The following VWDE variants were observed in gnomAD, a reference collection of about 807,000 sequenced individuals.
The protein encoded by VWDE is von Willebrand factor D and EGF domain-containing protein.
In VWDE, 207 loss-of-function variants were observed where a neutral mutation model predicts 178.4. The ratio of observed to expected loss-of-function variants is 1.16; its 90% CI spans 1.04 to 1.30. The LOEUF (loss-of-function observed/expected upper bound fraction) is 1.30. Among genes scored for constraint, VWDE ranks in the 50% most tolerant of loss-of-function variants. The pLI is 0.00. For synonymous variants in VWDE, 738 were observed against 651.4 expected (o/e 1.13, Z -2.02); for missense variants, 2,287 against 1,901.3 (o/e 1.20, Z -3.77).
At chr7:12,400,485 C>T (rs1784846924) in intron 1 of VWDE, among the ~76,000 whole-genome samples, 1 of 151,992 alleles carries the variant, frequency 6.6e-6, no homozygotes, top group African/African-American at 2.4e-5. Flanking sequence ...AAGACAGGAG[C>T]TGCAAAACCA....
chr7:12,354,925 C>G (rs996218802), intron 18 of VWDE, among the ~76,000 whole-genome samples: 1 of 151,698 alleles, frequency 6.6e-6, no homozygotes, highest in African/African-American at 2.4e-5. Flanking sequence ...AAAGTCAGTC[C>G]GTCCTTAATC....
At chr7:12,401,115 A>C (rs1784873759) in intron 1 of VWDE, among the ~76,000 whole-genome samples, 1 of 152,150 alleles carries the variant, frequency 6.6e-6, no homozygotes, top group South Asian at 2.1e-4. Flanking sequence ...TATGTGATGA[A>C]GAAAGACTAG....
At chr7:12,380,413 A>G in intron 5 of VWDE, 73 bp downstream of exon 5, 2 of 1,499,358 alleles carry the variant, frequency 1.3e-6, no homozygotes, top group Non-Finnish European at 1.8e-6. Context: ...TATTTTTTGG[A>G]TATGATGTTT....
chr7:12,353,630 A>T (rs541697868), intron 18 of VWDE, among the ~76,000 whole-genome samples: 38 of 50,514 alleles, frequency 7.5e-4, no homozygotes, highest in African/African-American at 2.2e-3. Context: ...TTTTTCCTAT[A>T]TATTTGAAGT....
In VWDE at chr7:12,373,070, C is replaced by G; in HGVS notation, c.1494G>C (p.Gln498His). 1 of 1,551,262 alleles carries G rather than the reference C, an allele frequency of 6.4e-7. No individual in the cohort carries two copies. Among genetic ancestry groups the G allele is most frequent in the African/African-American group, 1.4e-5 (1 of 73,100 alleles). ...DIVTFDMCNGQLRESQPYLFI... is the reference protein window; with the variant it reads ...DIVTFDMCNGHLRESQPYLFI... ...ACAAATATGGTTGTGATTCACGTAG[C>G]TGACCATTGCACATATCAAAAGTAA... Residue 498 changes from glutamine (Q) to histidine (H), a missense_variant, in exon 10 of 29, where the codon CAG (glutamine) becomes CAC (histidine). Physicochemically the swap from Gln to His is conservative, Grantham distance 24. Coordinates refer to ENST00000275358, the MANE Select transcript of VWDE (RefSeq NM_001135924.3).
chr7:12,383,549 T>A lies in VWDE; in HGVS notation c.528A>T (p.Gly176=). The part of the protein sequence containing the change: ...HPCGSDETET[G]GDCVRQLAAS... ...TATGATACTTACGAACACAATCACCTCCTGTTTCAGTTTCATCAGAACCAC... is the reference window on the plus strand; with the variant it reads ...TATGATACTTACGAACACAATCACCACCTGTTTCAGTTTCATCAGAACCAC... Residue 176 remains glycine, a synonymous_variant, in exon 4 of 29, where the codon GGA becomes GGT. Coordinates refer to ENST00000275358, the MANE Select transcript of VWDE (RefSeq NM_001135924.3). 6.5e-7 allele frequency: 1 copy of A among 1,550,280 alleles called. No homozygotes were observed. The highest frequency in any genetic ancestry group is 1.7e-4 in the Middle Eastern group (1 of 5,984).
chr7:12,353,051 C>G (rs1285779190), intron 18 of VWDE, among the ~76,000 whole-genome samples: 1 of 152,136 alleles, frequency 6.6e-6, no homozygotes, highest in Admixed American at 6.6e-5. Flanking sequence ...CATTATAATT[C>G]CCCTCCAAAA....
chr7:12,346,088 G>C (rs1431014097), intron 19 of VWDE, among the ~76,000 whole-genome samples: 1 of 152,050 alleles, frequency 6.6e-6, no homozygotes, highest in Non-Finnish European at 1.5e-5. Flanking sequence ...ATTGTAGTAG[G>C]AGCTGTGTAC....
chr7:12,369,350 G>C (rs992839928), intron 12 of VWDE, among the ~76,000 whole-genome samples, 195 bp downstream of exon 12: 1 of 152,074 alleles, frequency 6.6e-6, no homozygotes, highest in Non-Finnish European at 1.5e-5. Context: ...GCTGTTATAA[G>C]TTACTTTGGC....
intron 3 of VWDE, chr7:12,388,819 C>T (rs1427879433): frequency 4.2e-6 from 2 of 477,640 alleles, no homozygotes; most frequent in Non-Finnish European, 8.0e-6. Context: ...CTTCTTCATC[C>T]TTTAATTAAA....
chr7:12,387,675 T>TCC (rs1784171172), intron 3 of VWDE, among the ~76,000 whole-genome samples: 1 of 152,154 alleles, frequency 6.6e-6, no homozygotes, highest in Non-Finnish European at 1.5e-5. Context: ...ACTTGTTTGC[T>TCC]ATAATTGTGT....
intron 13 of VWDE, among the ~76,000 whole-genome samples, chr7:12,364,003 T>C (rs1452581522): frequency 6.6e-6 from 1 of 152,056 alleles, no homozygotes; most frequent in African/African-American, 2.4e-5. Context: ...AGGCTTAGAA[T>C]TTCTGAAACT....
intron 4 of VWDE, among the ~76,000 whole-genome samples, chr7:12,382,955 C>T (rs1783928944): frequency 6.6e-6 from 1 of 151,402 alleles, no homozygotes; most frequent in Non-Finnish European, 1.5e-5. Context: ...ATTTTAATCA[C>T]TATCAACATC....
rs528461501 is a variant in VWDE, at chr7:12,333,750, A to G, written c.4655-182T>C. The G allele has an allele frequency of 3.2e-5, 13 of 403,686 alleles. No homozygotes were observed. In the South Asian group the frequency reaches 1.2e-3, roughly 38 times the overall value. The allele number at this position is 403,686 out of a possible 1,614,324, so 25.0% of individuals were successfully genotyped here. On this transcript the variant is annotated intron_variant, in intron 27 of 28. Transcript: ENST00000275358. ...CTTGTCTTTCAGAGCACACGCACACATCAAAAACAAAGCACCCAAAATTCA... is the reference window on the plus strand; with the variant it reads ...CTTGTCTTTCAGAGCACACGCACACGTCAAAAACAAAGCACCCAAAATTCA...
chr7:12,350,724 A>G (rs907315015), intron 19 of VWDE, among the ~76,000 whole-genome samples: 8 of 152,138 alleles, frequency 5.3e-5, no homozygotes, highest in African/African-American at 1.9e-4. Flanking sequence ...CACATTACTT[A>G]AGCCTTCTAT....
At chr7:12,359,886 T>C (rs561128762) in intron 15 of VWDE, among the ~76,000 whole-genome samples, 194 bp from the exon 16 acceptor site, 5 of 152,104 alleles carry the variant, frequency 3.3e-5, no homozygotes, top group African/African-American at 4.8e-5. Flanking sequence ...ACTGATCAAT[T>C]TGGAGGTAAT....
intron 4 of VWDE, 21 bp from the exon 5 acceptor site, chr7:12,380,754 T>C: frequency 6.5e-7 from 1 of 1,549,986 alleles, no homozygotes; most frequent in East Asian, 2.4e-5. Flanking sequence ...AATGCATAAT[T>C]TGTAACTGGG....
chr7:12,338,171 C>T (rs1781138969), intron 24 of VWDE, among the ~76,000 whole-genome samples: 1 of 151,632 alleles, frequency 6.6e-6, no homozygotes, highest in Non-Finnish European at 1.5e-5. Context: ...CTACTGTTTT[C>T]AAATGGATTT....
intron 27 of VWDE, 160 bp from the exon 28 acceptor site, chr7:12,333,728 G>A (rs6460931): frequency 0.61 from 303,635 of 493,730 alleles, 96,421 homozygotes; most frequent in African/African-American, 0.89. Context: ...ATGTACTCTT[G>A]TCTTTCAGAG....
Sources: gnomAD v4.1 joint callset for allele counts (sites outside exome capture counted in the v4.1 genomes callset) on GRCh38, gnomAD v4.1.1 for gene constraint, MANE v1.5 for transcripts, NCBI Gene and HGNC (gene_info 2026-07-23, HGNC 2026-07-21) for gene names.